Variants in RTTN observed in about 807,000 individuals in gnomAD.
RTTN encodes rotatin.
Under a neutral mutation model 269.2 loss-of-function variants are expected in RTTN, and 182 were observed. The ratio of observed to expected loss-of-function variants is 0.68; its 90% CI spans 0.60 to 0.76. The LOEUF (loss-of-function observed/expected upper bound fraction) is 0.76. RTTN is among the 30% of genes least tolerant of loss of function. The probability of loss-of-function intolerance (pLI) is 0.00; values close to 1 mark genes in which losing one functional copy is unlikely to be tolerated. For synonymous variants in RTTN, 1,006 were observed against 963.5 expected, an observed-to-expected ratio of 1.04 and a Z score of -0.82; for missense variants, 2,545 against 2,608.6, an observed-to-expected ratio of 0.98 and a Z score of 0.53.
At chr18:70,089,158 C>G (rs1024661289) in intron 30 of RTTN, among the ~76,000 whole-genome samples, 2 of 152,146 alleles carry the variant, frequency 1.3e-5, no homozygotes, top group Admixed American at 1.3e-4. Context: ...TGTGTCTCCT[C>G]AAGACTCGTA....
At chr18:70,093,141 CTTGCGGTGAGCTATGA>C (rs2058898314) in intron 28 of RTTN, among the ~76,000 whole-genome samples, 1 of 152,020 alleles carries the variant, frequency 6.6e-6, no homozygotes, top group Non-Finnish European at 1.5e-5. Context: ...GGAGCTGGAG[CTTGCGGTGAGCTATGA>C]TTGCACCACT....
At chr18:70,019,142 T>G (rs1695216267) in intron 45 of RTTN, 1 of 152,196 alleles carries the variant, frequency 6.6e-6, no homozygotes, top group South Asian at 2.1e-4. Flanking sequence ...CTGATCACAC[T>G]TCATCAAAAT....
At chr18:70,111,527 A>G (rs2059466585) in intron 27 of RTTN, among the ~76,000 whole-genome samples, 1 of 151,644 alleles carries the variant, frequency 6.6e-6, no homozygotes, top group South Asian at 2.1e-4. Context: ...AAAGATCCCA[A>G]CCGAAGGTCA....
intron 26 of RTTN, among the ~76,000 whole-genome samples, chr18:70,120,248 G>GC (rs2059701975): frequency 6.6e-6 from 1 of 151,900 alleles, no homozygotes; most frequent in Non-Finnish European, 1.5e-5. Context: ...CTGCAAGAAG[G>GC]CTCTCACCAG....
rs779948763 is a variant in RTTN at position 70,205,176 on chromosome 18, G to A, written c.171C>T (p.Ser57=). 9.3e-6 allele frequency: 15 copies of A among 1,614,182 alleles called. No homozygotes were observed. In the Admixed American group the frequency reaches 1.5e-4, roughly 16 times the overall value. ...LHLLEWFNFP[S]VPMKEEVLNL... ...TCAGAACCTCTTCCTTCATCGGAACGGACGGGAAATTGAACCATTCCAGCA... is the reference window on the plus strand; with the variant it reads ...TCAGAACCTCTTCCTTCATCGGAACAGACGGGAAATTGAACCATTCCAGCA... Residue 57 remains serine, a synonymous_variant, in exon 2 of 49, where the codon TCC becomes TCT. Transcript: ENST00000640769.
chr18:70,012,689 G>A (rs2056424997), intron 46 of RTTN, among the ~76,000 whole-genome samples: 3 of 152,044 alleles, frequency 2.0e-5, no homozygotes, highest in Admixed American at 2.0e-4. Flanking sequence ...TCTGCTCACT[G>A]GTATTAGTTA....
At chr18:70,048,903 AT>A (rs1348129963) in intron 39 of RTTN, among the ~76,000 whole-genome samples, 9 of 152,160 alleles carry the variant, frequency 5.9e-5, no homozygotes, top group African/African-American at 1.7e-4. Context: ...GGCAAAAAAA[AT>A]GATAATTGTT....
intron 14 of RTTN, among the ~76,000 whole-genome samples, chr18:70,163,153 G>A (rs1453373999): frequency 2.7e-5 from 4 of 149,622 alleles, no homozygotes; most frequent in African/African-American, 9.8e-5. Context: ...GGAGGCCGAG[G>A]TGGGTGGATC....
At chr18:70,042,269 A>C (rs1157647752) in intron 40 of RTTN, among the ~76,000 whole-genome samples, 1 of 151,540 alleles carries the variant, frequency 6.6e-6, no homozygotes, top group African/African-American at 2.4e-5. Flanking sequence ...CCACACCTGG[A>C]TGCTTCATCT....
At chr18:70,124,074 T>TA (rs34187694) in intron 25 of RTTN, among the ~76,000 whole-genome samples, 3,092 of 139,714 alleles carry the variant, frequency 0.022, 45 homozygotes, top group Non-Finnish European at 0.03. Context: ...AAAGTCTATC[T>TA]AAAAAAAAAA....
chr18:70,074,656 A>G (rs776037350), intron 33 of RTTN: 4 of 151,980 alleles, frequency 2.6e-5, no homozygotes, highest in African/African-American at 7.2e-5. Flanking sequence ...GCTTTTCTGT[A>G]AGTTTGAAAC....
At chr18:70,058,679 GTA>G (rs2057889793) in intron 36 of RTTN, among the ~76,000 whole-genome samples, 1 of 151,962 alleles carries the variant, frequency 6.6e-6, no homozygotes. Flanking sequence ...TAGCTGACTC[GTA>G]AGAAGCAAAG....
intron 7 of RTTN, 122 bp from the exon 8 acceptor site, chr18:70,193,575 G>A (rs2146118039): frequency 1.4e-6 from 1 of 728,712 alleles, no homozygotes; most frequent in Non-Finnish European, 2.0e-6. Context: ...TCCTTCTACA[G>A]GGGTAAAAAC....
intron 43 of RTTN, among the ~76,000 whole-genome samples, chr18:70,026,767 C>A (rs2056865709): frequency 6.6e-6 from 1 of 152,096 alleles, no homozygotes. Context: ...TACATACTTT[C>A]TTGGGAAATT....
chr18:70,030,936 C>T lies in RTTN; in HGVS notation c.5587G>A (p.Ala1863Thr). The change falls in exon 41 of 49, where the codon GCA becomes ACA. Residue 1863 changes from alanine to threonine, a missense_variant. Physicochemically the swap from Ala to Thr is moderately conservative, Grantham distance 58 (BLOSUM62 0). Coordinates refer to ENST00000640769, the MANE Select transcript of RTTN (RefSeq NM_173630.4). ...GCCAGCAGTGACATCAATGCATTTG[C>T]AGCTACTCTTTTCAGGATATCTTTG... ...SSKDILKRVA[A>T]NALMSLLAVS... 1 of 1,613,668 alleles carries T rather than the reference C, an allele frequency of 6.2e-7. No individual in the cohort carries two copies. The highest frequency in any genetic ancestry group is 8.5e-7 in the Non-Finnish European group (1 of 1,179,864).
chr18:70,127,345 C>A (rs1322812811), intron 25 of RTTN, among the ~76,000 whole-genome samples, 157 bp downstream of exon 25: 2 of 152,130 alleles, frequency 1.3e-5, no homozygotes, highest in Admixed American at 1.3e-4. Context: ...TTAAAAATTT[C>A]TCTTTGGCTA....
intron 4 of RTTN, among the ~76,000 whole-genome samples, chr18:70,199,727 A>G (rs975978087): frequency 1.3e-5 from 2 of 152,250 alleles, no homozygotes; most frequent in Non-Finnish European, 2.9e-5. Context: ...TGATATCAAA[A>G]TAAGTATTAG....
At chr18:70,105,597 G>C (rs1336074503) in intron 28 of RTTN, among the ~76,000 whole-genome samples, 1 of 152,136 alleles carries the variant, frequency 6.6e-6, no homozygotes, top group Admixed American at 6.5e-5. Flanking sequence ...CTGTAGACTA[G>C]AGCTGTTCCT....
intron 31 of RTTN, among the ~76,000 whole-genome samples, chr18:70,087,573 T>C (rs1047178610): frequency 9.9e-5 from 15 of 152,134 alleles, no homozygotes; most frequent in African/African-American, 3.1e-4. Context: ...CCACAAGCTA[T>C]TCAGAAAGAA....
Sources: allele counts gnomAD v4.1 joint callset (sites outside exome capture counted in the v4.1 genomes callset), GRCh38; gene constraint gnomAD v4.1.1; transcripts MANE v1.5; gene names NCBI Gene and HGNC (gene_info 2026-07-23, HGNC 2026-07-21).